The following PER2 variants were observed in gnomAD, a reference collection of about 807,000 sequenced individuals.
PER2 encodes the protein period circadian protein homolog 2.
In PER2, 66 loss-of-function variants were observed where a neutral mutation model predicts 121.0. The observed-to-expected ratio is 0.55, with a 90% confidence interval of 0.45 to 0.67. The LOEUF is 0.67. PER2 is among the 30% of genes least tolerant of loss of function. PER2 has a pLI of 0.00. For synonymous variants in PER2, 684 were observed against 659.9 expected (o/e 1.04, Z -0.56); for missense variants, 1,521 against 1,635.0 (o/e 0.93, Z 1.20).
chr2:238,273,914 C>T (rs1273758973), intron 4 of PER2, among the ~76,000 whole-genome samples: 2 of 152,214 alleles, frequency 1.3e-5, no homozygotes, highest in Admixed American at 1.3e-4. Context: ...GATCTGCCCG[C>T]CTCGGCCTCC....
At chr2:238,247,841 G>A (rs899872728) in intron 22 of PER2, among the ~76,000 whole-genome samples, 1 of 152,236 alleles carries the variant, frequency 6.6e-6, no homozygotes, top group East Asian at 1.9e-4. Flanking sequence ...TTCTGATTGA[G>A]GTGGCACAGT....
intron 1 of PER2, among the ~76,000 whole-genome samples, chr2:238,279,772 T>C (rs1696574602): frequency 6.6e-6 from 1 of 152,106 alleles, no homozygotes; most frequent in Non-Finnish European, 1.5e-5. Flanking sequence ...GGGGGAGGGA[T>C]CATTTTCAGC....
intron 20 of PER2, 111 bp from the exon 21 acceptor site, chr2:238,250,854 G>T (rs1192871600): frequency 8.1e-6 from 6 of 743,758 alleles, no homozygotes; most frequent in Non-Finnish European, 1.4e-5. Flanking sequence ...TGCCTTCTTA[G>T]GTATTGGGTA....
Position 238,268,083 on chromosome 2 carries a change from C to A in PER2, c.940G>T (p.Ala314Ser). Residue 314 changes from alanine (A) to serine (S), a missense_variant, in exon 8 of 23, where the codon GCA becomes TCA. By Grantham distance (99) the Ala-to-Ser change is moderately conservative. Coordinates refer to ENST00000254657, the MANE Select transcript of PER2 (RefSeq NM_022817.3). The surrounding 1 kb of genome is among the most constrained non-coding windows in gnomAD (Gnocchi z 4.0). ...TCATAACCAGAGTGCACTCTCTCTG[C>A]CAGCAGAAGGCAGCAAAGCTGACTC... ...AESQLCCLLL[A>S]ERVHSGYEAP... 6.2e-7 allele frequency: 1 copy of A among 1,614,114 alleles called. No individual in the cohort carries two copies. Among genetic ancestry groups the A allele is most frequent in the Middle Eastern group, 1.6e-4 (1 of 6,062 alleles).
At chr2:238,265,728 C>T in intron 8 of PER2, 138 bp from the exon 9 acceptor site, 1 of 658,048 alleles carries the variant, frequency 1.5e-6, no homozygotes, top group Non-Finnish European at 2.8e-6. Flanking sequence ...GGACTCTGAA[C>T]AACAGAGACT....
upstream of PER2, among the ~76,000 whole-genome samples, chr2:238,294,487 C>A (rs984605638): frequency 1.3e-5 from 2 of 152,156 alleles, no homozygotes; most frequent in Non-Finnish European, 2.9e-5. Context: ...GGCTGTCGGG[C>A]CCCCCGTGGC....
At chr2:238,249,371 G>A (rs1189908710) in intron 21 of PER2, among the ~76,000 whole-genome samples, 159 bp from the exon 22 acceptor site, 2 of 152,128 alleles carry the variant, frequency 1.3e-5, no homozygotes, top group African/African-American at 4.8e-5. Flanking sequence ...CCCTAGTAAA[G>A]AACCCGTAGT....
At chr2:238,258,474 C>A in intron 15 of PER2, 23 bp downstream of exon 15, 1 of 1,613,890 alleles carries the variant, frequency 6.2e-7, no homozygotes, top group Non-Finnish European at 8.5e-7. Flanking sequence ...ATGGTGGAGA[C>A]TCGGCTGGAA....
chr2:238,250,578 A>T lies in PER2; in HGVS notation c.3440T>A (p.Val1147Asp). Residue 1147 changes from valine (V) to aspartate (D), a missense_variant, in exon 21 of 23, where the codon GTC becomes GAC. Physicochemically the swap from Val to Asp is radical, Grantham distance 152. Transcript: ENST00000254657. ...GGAAGGCAGCTGGTACGTCATCATG[A>T]CGCTGCTGTCCGCATCTGCCATCAG... ...WLLMADADSS[V>D]MMTYQLPSRN... 3 of 1,613,424 alleles carry T rather than the reference A, an allele frequency of 1.9e-6. No individual in the cohort carries two copies. Among genetic ancestry groups the T allele is most frequent in the Non-Finnish European group, 2.5e-6 (3 of 1,179,696 alleles).
intron 8 of PER2, 33 bp from the exon 9 acceptor site, chr2:238,265,623 T>C (rs1696068778): frequency 8.0e-7 from 1 of 1,242,264 alleles, no homozygotes; most frequent in Admixed American, 1.7e-5. Context: ...ACATTTGTGA[T>C]CCTAAGAAAT....
At chr2:238,270,254 G>A (rs1054966579) in intron 6 of PER2, among the ~76,000 whole-genome samples, 1 of 152,134 alleles carries the variant, frequency 6.6e-6, no homozygotes, top group East Asian at 1.9e-4. Context: ...GGCATTCAAG[G>A]CTTACATCGG....
At position 238,256,725 on chromosome 2, in the gene PER2, G is replaced by A. The variant is rs1360173000; in HGVS notation, c.2065+197C>T. ...CACTGGAGGGCACCACAGGGCAGCAGAGACCTGGACAGGTTGCTGCCTGGG... is the reference window on the plus strand; with the variant it reads ...CACTGGAGGGCACCACAGGGCAGCAAAGACCTGGACAGGTTGCTGCCTGGG... On this transcript the variant is annotated intron_variant, in intron 17 of 22. Transcript: ENST00000254657. 3.3e-5 allele frequency among the ~76,000 whole-genome samples: 5 copies of A among 152,366 alleles called. No individual in the cohort carries two copies. In the East Asian group the frequency reaches 9.6e-4, roughly 29 times the overall value.
At chr2:238,277,067 C>A in intron 3 of PER2, 64 bp downstream of exon 3, 1 of 1,230,116 alleles carries the variant, frequency 8.1e-7, no homozygotes, top group Non-Finnish European at 1.2e-6. Flanking sequence ...AGAAAACTAA[C>A]CTCCAATAAG....
intron 20 of PER2, among the ~76,000 whole-genome samples, chr2:238,251,221 C>G (rs887491396): frequency 1.3e-5 from 2 of 152,200 alleles, no homozygotes; most frequent in African/African-American, 4.8e-5. Flanking sequence ...GCCTGAGATT[C>G]CAGATCACAT....
intron 8 of PER2, among the ~76,000 whole-genome samples, 154 bp from the exon 9 acceptor site, chr2:238,265,744 ACTGAGAACC>A (rs1246278463): frequency 6.6e-6 from 1 of 152,192 alleles, no homozygotes; most frequent in East Asian, 1.9e-4. Flanking sequence ...AGACTGCCAC[ACTGAGAACC>A]TTATGCTGGT....
At chr2:238,256,270 C>T (rs1472730600) in intron 17 of PER2, among the ~76,000 whole-genome samples, 3 of 152,172 alleles carry the variant, frequency 2.0e-5, no homozygotes, top group African/African-American at 4.8e-5. Flanking sequence ...GGTTTGGGAC[C>T]AGGCATGGTG....
intron 9 of PER2, 81 bp from the exon 10 acceptor site, chr2:238,263,139 G>A (rs545898252): frequency 2.3e-6 from 2 of 881,534 alleles, no homozygotes; most frequent in East Asian, 2.6e-5. Context: ...TTATTCCCTG[G>A]AAAGAGAAGA....
Position 238,245,673 on chromosome 2 carries a change from G to A in PER2, c.*702C>T, listed in dbSNP as rs540338987. 2.5e-6 allele frequency: 1 copy of A among 398,642 alleles called. No homozygotes were observed. Among genetic ancestry groups the A allele is most frequent in the South Asian group, 1.3e-4 (1 of 7,860 alleles). The allele number at this position is 398,642 out of a possible 1,614,324, so 24.7% of individuals were successfully genotyped here. On this transcript the variant is annotated 3_prime_UTR_variant, in exon 23 of 23. Coordinates refer to ENST00000254657, the MANE Select transcript of PER2 (RefSeq NM_022817.3). Reference sequence around the variant, plus strand: ...AAATATACAGAGGGTCTGTCTGCGTGTGCATTCATCCGATGGAGTTGGCCA... The same window carrying A: ...AAATATACAGAGGGTCTGTCTGCGTATGCATTCATCCGATGGAGTTGGCCA...
At chr2:238,277,609 C>G (rs1696493299) in intron 2 of PER2, 98 bp downstream of exon 2, 1 of 1,379,748 alleles carries the variant, frequency 7.2e-7, no homozygotes. Flanking sequence ...ACTTGGTAAT[C>G]ATGATTTAAA....
Sources: allele counts gnomAD v4.1 joint callset (sites outside exome capture counted in the v4.1 genomes callset), GRCh38; gene constraint gnomAD v4.1.1; non-coding constraint Gnocchi (gnomAD v3.1); transcripts MANE v1.5; gene names NCBI Gene and HGNC (gene_info 2026-07-23, HGNC 2026-07-21).